SLC24A2: variants seen among roughly 807,000 people sequenced by gnomAD.
SLC24A2 encodes the protein sodium/potassium/calcium exchanger 2.
In SLC24A2, 36 loss-of-function variants were observed where a neutral mutation model predicts 62.0. The observed-to-expected ratio is 0.58, with a 90% confidence interval of 0.44 to 0.77. The LOEUF is 0.77. Among genes scored for constraint, SLC24A2 ranks in the 30% least tolerant of loss-of-function variants. The pLI is 0.00. For synonymous variants in SLC24A2, 358 were observed against 294.0 expected, an observed-to-expected ratio of 1.22 and a Z score of -2.23; for missense variants, 846 against 817.9, an observed-to-expected ratio of 1.03 and a Z score of -0.42.
chr9:20,283,149 A>T, the SLC24A2 span, among the ~76,000 whole-genome samples: 1 of 152,170 alleles, frequency 6.6e-6, no homozygotes, highest in Admixed American at 6.5e-5. Context: ...TCCCAATCGG[A>T]TAGGTCGAAA....
intron 2 of SLC24A2, among the ~76,000 whole-genome samples, chr9:19,713,848 A>G (rs1820784985): frequency 6.6e-6 from 1 of 152,204 alleles, no homozygotes; most frequent in South Asian, 2.1e-4. Context: ...TGAATTTATA[A>G]GATGCTGACT....
intron 8 of SLC24A2, among the ~76,000 whole-genome samples, chr9:19,529,717 T>TAATC (rs1418304797): frequency 6.6e-6 from 1 of 150,932 alleles, no homozygotes; most frequent in Non-Finnish European, 1.5e-5. Flanking sequence ...AATAAAAAGG[T>TAATC]AATCATTTTT....
the SLC24A2 span, among the ~76,000 whole-genome samples, chr9:19,904,524 T>C: frequency 2.0e-5 from 3 of 152,198 alleles, no homozygotes; most frequent in Admixed American, 1.3e-4. Flanking sequence ...AAAGTGAAAC[T>C]AAATTTTCTT....
chr9:19,638,724 A>G (rs562294443), intron 2 of SLC24A2, among the ~76,000 whole-genome samples: 1 of 152,184 alleles, frequency 6.6e-6, no homozygotes, highest in Non-Finnish European at 1.5e-5. Flanking sequence ...GTACCTACAC[A>G]TATTAAAATG....
At chr9:20,235,962 T>C in the SLC24A2 span, among the ~76,000 whole-genome samples, 3 of 152,218 alleles carry the variant, frequency 2.0e-5, no homozygotes, top group Admixed American at 2.0e-4. Flanking sequence ...CCATATACTG[T>C]TGTACTCCCA....
chr9:20,043,344 C>A, the SLC24A2 span, among the ~76,000 whole-genome samples: 1 of 152,202 alleles, frequency 6.6e-6, no homozygotes, highest in African/African-American at 2.4e-5. Flanking sequence ...ACCCATTCTG[C>A]AGCCCATGTG....
intron 7 of SLC24A2, among the ~76,000 whole-genome samples, chr9:19,557,041 C>G (rs570612120): frequency 1.3e-5 from 2 of 152,140 alleles, no homozygotes; most frequent in South Asian, 2.1e-4. Flanking sequence ...TGAGACCAGC[C>G]CCCTCATTTG....
intron 5 of SLC24A2, among the ~76,000 whole-genome samples, chr9:19,586,700 A>C (rs1238953216): frequency 6.6e-6 from 1 of 152,156 alleles, no homozygotes; most frequent in Non-Finnish European, 1.5e-5. Context: ...TTTCAGGAAA[A>C]GGGCCAACTT....
the SLC24A2 span, among the ~76,000 whole-genome samples, chr9:19,906,685 G>A: frequency 2.0e-5 from 3 of 152,128 alleles, no homozygotes; most frequent in Non-Finnish European, 2.9e-5. Context: ...TACCATCAGA[G>A]AATACTATAA....
the SLC24A2 span, among the ~76,000 whole-genome samples, chr9:19,916,957 T>C: frequency 6.7e-6 from 1 of 150,246 alleles, no homozygotes; most frequent in Admixed American, 6.6e-5. Context: ...AAGTTCTTTA[T>C]GTATAGGTGC....
intron 2 of SLC24A2, among the ~76,000 whole-genome samples, chr9:19,660,564 TAAGTA>T (rs1167155853): frequency 6.6e-6 from 1 of 152,146 alleles, no homozygotes; most frequent in Non-Finnish European, 1.5e-5. Context: ...AGGGAGCAGC[TAAGTA>T]AAGAGAAAGA....
the SLC24A2 span, among the ~76,000 whole-genome samples, chr9:20,069,508 T>C: frequency 7.9e-4 from 120 of 152,354 alleles, no homozygotes; most frequent in African/African-American, 2.7e-3. Context: ...CTTGTATAAT[T>C]ACAATGCAGG....
At chr9:20,236,674 A>G in the SLC24A2 span, among the ~76,000 whole-genome samples, 3 of 152,186 alleles carry the variant, frequency 2.0e-5, no homozygotes, top group Admixed American at 6.6e-5. Flanking sequence ...CCCCTGAATA[A>G]TTGAACTAAA....
intron 2 of SLC24A2, among the ~76,000 whole-genome samples, chr9:19,754,821 G>C (rs911589026): frequency 6.6e-6 from 1 of 151,984 alleles, no homozygotes; most frequent in Non-Finnish European, 1.5e-5. Flanking sequence ...TCTCCTGCTC[G>C]ACAGGCAGAA....
intron 8 of SLC24A2, among the ~76,000 whole-genome samples, chr9:19,541,927 G>T (rs1349584205): frequency 1.3e-5 from 2 of 152,164 alleles, no homozygotes; most frequent in African/African-American, 4.8e-5. Flanking sequence ...TTTTCAAGCC[G>T]GTCTGAAAAG....
At chr9:19,850,992 T>C in the SLC24A2 span, among the ~76,000 whole-genome samples, 7 of 47,528 alleles carry the variant, frequency 1.5e-4, no homozygotes, top group African/African-American at 3.6e-4. Context: ...TATGTATATA[T>C]ATATATATAC....
chr9:20,212,633 G>A, the SLC24A2 span, among the ~76,000 whole-genome samples: 7,223 of 151,284 alleles, frequency 0.048, 697 homozygotes, highest in African/African-American at 0.16. Context: ...GATCAATAAC[G>A]CCAGGGATAA....
the SLC24A2 span, among the ~76,000 whole-genome samples, chr9:20,218,444 G>T: frequency 7.9e-5 from 12 of 152,072 alleles, no homozygotes; most frequent in Non-Finnish European, 1.2e-4. Context: ...CCACACACAC[G>T]TGTGTCTGCT....
chr9:20,240,127 G>A, the SLC24A2 span, among the ~76,000 whole-genome samples: 18,752 of 152,150 alleles, frequency 0.12, 2,379 homozygotes, highest in East Asian at 0.61. Context: ...CTGGGGCCTG[G>A]TGGGTAGGTG....
Sources: gnomAD v4.1 joint callset for allele counts (sites outside exome capture counted in the v4.1 genomes callset) on GRCh38, gnomAD v4.1.1 for gene constraint, MANE v1.5 for transcripts, NCBI Gene and HGNC (gene_info 2026-07-23, HGNC 2026-07-21) for gene names.